RFX4: variants seen among roughly 807,000 people sequenced by gnomAD.
The protein encoded by RFX4 is transcription factor RFX4.
In RFX4, 10 loss-of-function variants were observed where a neutral mutation model predicts 95.0. The observed-to-expected ratio is 0.11, with a 90% CI of 0.06 to 0.18. The LOEUF (loss-of-function observed/expected upper bound fraction) is 0.18. Ranked by LOEUF, RFX4 falls within the 10% of genes least tolerant of loss-of-function variation. The pLI is 1.00. For synonymous variants in RFX4, 321 were observed against 340.7 expected, an observed-to-expected ratio of 0.94 and a Z score of 0.64; for missense variants, 640 against 922.0, an observed-to-expected ratio of 0.69 and a Z score of 3.96.
intron 9 of RFX4, 57 bp from the exon 10 acceptor site, chr12:106,711,396 C>T (rs577227511): frequency 6.6e-7 from 1 of 1,526,150 alleles, no homozygotes; most frequent in East Asian, 2.3e-5. Context: ...CCTGGAAAAT[C>T]CAAGTTAGAA....
intron 5 of RFX4, chr12:106,684,892 A>C (rs1472091399): frequency 6.2e-7 from 1 of 1,613,046 alleles, no homozygotes; most frequent in Non-Finnish European, 8.5e-7. Context: ...CCCACTAAGC[A>C]GAAATATCAC....
chr12:106,583,476 C>A, intron 1 of RFX4, 113 bp downstream of exon 1: 1 of 984,328 alleles, frequency 1.0e-6, no homozygotes, highest in Non-Finnish European at 1.4e-6. Context: ...GACAGTGGAA[C>A]CCCAAAGAAT....
chr12:106,601,888 T>C (rs527363736), intron 1 of RFX4, among the ~76,000 whole-genome samples: 17 of 152,250 alleles, frequency 1.1e-4, no homozygotes, highest in African/African-American at 4.1e-4. Context: ...AATGCCCTGC[T>C]TCCCTCCTTG....
At chr12:106,664,837 G>T (rs2041143430) in intron 4 of RFX4, among the ~76,000 whole-genome samples, 1 of 151,668 alleles carries the variant, frequency 6.6e-6, no homozygotes, top group African/African-American at 2.4e-5. Context: ...ACACATTCAA[G>T]GATTTTCTAG....
intron 4 of RFX4, among the ~76,000 whole-genome samples, chr12:106,673,633 T>G (rs2041333133): frequency 6.6e-6 from 1 of 152,210 alleles, no homozygotes; most frequent in Non-Finnish European, 1.5e-5. Context: ...TGTCTCCCCT[T>G]GGATAAAGCA....
intron 11 of RFX4, among the ~76,000 whole-genome samples, chr12:106,716,906 C>T (rs375790834): frequency 2.8e-5 from 4 of 141,714 alleles, no homozygotes; most frequent in African/African-American, 1.1e-4. Context: ...AGCCACTAAG[C>T]AATAGAGCTG....
intron 17 of RFX4, among the ~76,000 whole-genome samples, chr12:106,754,341 C>T (rs578151315): frequency 1.8e-4 from 28 of 152,312 alleles, no homozygotes; most frequent in African/African-American, 2.6e-4. Flanking sequence ...TAGATCACTC[C>T]GCACACTCCA....
chr12:106,760,551 T>G (rs1321621314), intron 17 of RFX4, among the ~76,000 whole-genome samples: 2 of 152,142 alleles, frequency 1.3e-5, no homozygotes. Flanking sequence ...TTCCTATTCA[T>G]GTATCTTCCA....
chr12:106,598,459 G>T (rs926451585), intron 1 of RFX4, among the ~76,000 whole-genome samples: 4 of 152,034 alleles, frequency 2.6e-5, no homozygotes, highest in Admixed American at 2.6e-4. Context: ...TGAGACTTGC[G>T]ACCAACACAC....
chr12:106,614,467 C>T (rs948191112), intron 2 of RFX4, among the ~76,000 whole-genome samples: 2 of 134,070 alleles, frequency 1.5e-5, no homozygotes, highest in African/African-American at 2.8e-5. Flanking sequence ...CCCTTCTTCA[C>T]GTCTTTTGCC....
At chr12:106,594,212 GC>G in intron 1 of RFX4, among the ~76,000 whole-genome samples, 1 of 152,318 alleles carries the variant, frequency 6.6e-6, no homozygotes, top group Middle Eastern at 3.4e-3. Flanking sequence ...GCCTCAGAAA[GC>G]TCTGGGAGTT....
intron 9 of RFX4, among the ~76,000 whole-genome samples, chr12:106,709,631 C>T (rs2042154464): frequency 6.7e-6 from 1 of 149,292 alleles, no homozygotes; most frequent in Non-Finnish European, 1.5e-5. Context: ...TCTTCCTTTA[C>T]AGAAGAGGAA....
chr12:106,630,350 C>T (rs1200899846), intron 2 of RFX4, among the ~76,000 whole-genome samples: 2 of 152,102 alleles, frequency 1.3e-5, no homozygotes, highest in Non-Finnish European at 2.9e-5. Context: ...TTTCTCGCTC[C>T]AAGATTATGA....
Position 106,720,024 on chromosome 12 carries a change from G to A in RFX4, c.1203G>A (p.Leu401=), listed in dbSNP as rs373275178. 30 of 1,614,118 alleles carry A rather than the reference G, an allele frequency of 1.9e-5. No homozygotes were observed. The highest frequency in any genetic ancestry group is 2.2e-5 in the East Asian group (1 of 44,900). Residue 401 remains leucine, a synonymous_variant, in exon 12 of 18, where the codon CTG becomes CTA. Coordinates refer to ENST00000392842, the MANE Select transcript of RFX4 (RefSeq NM_213594.3). The surrounding 1 kb of genome is among the most constrained non-coding windows in gnomAD (Gnocchi z 4.2). ...CCATCGAGTCCTACATTGAGTGGCTGGATACCATGGTTGACCGCTGTGTTG... is the reference window on the plus strand; with the variant it reads ...CCATCGAGTCCTACATTGAGTGGCTAGATACCATGGTTGACCGCTGTGTTG... ...QSPIESYIEW[L]DTMVDRCVVK...
chr12:106,726,106 G>A (rs536305715), intron 13 of RFX4, among the ~76,000 whole-genome samples: 30 of 151,946 alleles, frequency 2.0e-4, no homozygotes, highest in African/African-American at 7.0e-4. Context: ...GAAATTAGCC[G>A]GGCATGTTGG....
intron 2 of RFX4, among the ~76,000 whole-genome samples, chr12:106,612,640 C>T (rs995486164): frequency 6.6e-6 from 1 of 152,148 alleles, no homozygotes; most frequent in African/African-American, 2.4e-5. Context: ...GAGTTCGAAA[C>T]CAGCCTGGCC....
chr12:106,697,302 C>A (rs543119260), intron 8 of RFX4, among the ~76,000 whole-genome samples: 1 of 152,258 alleles, frequency 6.6e-6, no homozygotes, highest in Admixed American at 6.5e-5. Flanking sequence ...AAGCACATTG[C>A]ACATCCATGT....
chr12:106,745,266 C>T (rs146132250), intron 15 of RFX4, among the ~76,000 whole-genome samples: 1 of 152,132 alleles, frequency 6.6e-6, no homozygotes, highest in East Asian at 1.9e-4. Context: ...TGGGGGATAA[C>T]GTTCTTTTAA....
At chr12:106,679,878 G>C (rs989419847) in intron 4 of RFX4, among the ~76,000 whole-genome samples, 10 of 152,160 alleles carry the variant, frequency 6.6e-5, no homozygotes, top group Non-Finnish European at 1.5e-4. Flanking sequence ...GCAGTCTTAG[G>C]CTGCACTGCT....
Sources: gnomAD v4.1 joint callset for allele counts (sites outside exome capture counted in the v4.1 genomes callset) on GRCh38, gnomAD v4.1.1 for gene constraint, Gnocchi (gnomAD v3.1) non-coding constraint, MANE v1.5 for transcripts, NCBI Gene and HGNC (gene_info 2026-07-23, HGNC 2026-07-21) for gene names.